Variants in ANKFY1 observed in about 807,000 individuals in gnomAD.
ANKFY1 encodes ankyrin repeat and FYVE domain containing 1, also known as ankyrin repeat and FYVE domain-containing protein 1.
A neutral mutation model predicts 128.3 loss-of-function variants in ANKFY1; 47 were observed. The observed-to-expected ratio is 0.37, with a 90% CI of 0.29 to 0.47. The LOEUF is 0.47. ANKFY1 is among the 20% of genes least tolerant of loss of function. The pLI is 1.00. For synonymous variants in ANKFY1, 553 were observed against 601.6 expected, an observed-to-expected ratio of 0.92 and a Z score of 1.18; for missense variants, 1,222 against 1,510.6, an observed-to-expected ratio of 0.81 and a Z score of 3.17.
chr17:4,225,341 A>G (rs1567960008), intron 3 of ANKFY1, among the ~76,000 whole-genome samples: 1 of 152,194 alleles, frequency 6.6e-6, no homozygotes, highest in South Asian at 2.1e-4. Flanking sequence ...TGGGGGACAG[A>G]GCGAGATTCT....
Position 4,183,504 on chromosome 17 carries a change from T to G in ANKFY1, c.1846A>C (p.Asn616His). The change falls in exon 14 of 25, where the codon AAT (asparagine) becomes CAT (histidine). Residue 616 changes from asparagine to histidine, a missense_variant. Coordinates refer to ENST00000341657, the MANE Select transcript of ANKFY1 (RefSeq NM_001330063.2). ...AQLLGSGAAINDTMSDGQTLL... is the reference protein window; with the variant it reads ...AQLLGSGAAIHDTMSDGQTLL... Reference sequence around the variant, plus strand: ...GTCTGCCCATCCGACATGGTGTCATTGATGGCGGCTCCAGAGCCCAGCAGC... The same window carrying G: ...GTCTGCCCATCCGACATGGTGTCATGGATGGCGGCTCCAGAGCCCAGCAGC... 1 of 1,613,088 alleles carries G rather than the reference T, an allele frequency of 6.2e-7. No homozygotes were observed. The highest frequency in any genetic ancestry group is 8.5e-7 in the Non-Finnish European group (1 of 1,180,016).
rs78962203 is a variant in ANKFY1, at chr17:4,174,479, G to A, written c.2776-423C>T. Among the ~76,000 whole-genome samples the A allele has an allele frequency of 5.8e-3, 876 of 152,176 alleles. 3 individuals are homozygous for A. Among genetic ancestry groups the A allele is most frequent in the African/African-American group, 0.02 (838 of 41,524 alleles). On this transcript the variant is annotated intron_variant, in intron 19 of 24. Coordinates refer to ENST00000341657, the MANE Select transcript of ANKFY1 (RefSeq NM_001330063.2). ...ATGATAAATATTTATCGATTAACAT[G>A]GAAAGATGTTGATGACAAGTAAGTT...
At chr17:4,172,785 C>A in intron 21 of ANKFY1, 105 bp from the exon 22 acceptor site, 2 of 1,437,770 alleles carry the variant, frequency 1.4e-6, no homozygotes, top group Non-Finnish European at 9.4e-7. Context: ...ATCTAAAAGA[C>A]ACAAAACAAG....
chr17:4,229,235 C>A (rs2060475195), intron 3 of ANKFY1, among the ~76,000 whole-genome samples: 1 of 151,948 alleles, frequency 6.6e-6, no homozygotes, highest in Admixed American at 6.6e-5. Context: ...ACCGGCATGG[C>A]CAACGTGGCA....
At chr17:4,246,166 G>A (rs1288104603) in intron 1 of ANKFY1, among the ~76,000 whole-genome samples, 3 of 152,218 alleles carry the variant, frequency 2.0e-5, no homozygotes, top group Non-Finnish European at 4.4e-5. Flanking sequence ...CAAATGGAGT[G>A]TGGCAGGAGA....
At chr17:4,207,537 G>A (rs932795048) in intron 6 of ANKFY1, among the ~76,000 whole-genome samples, 1 of 152,170 alleles carries the variant, frequency 6.6e-6, no homozygotes, top group African/African-American at 2.4e-5. Context: ...TCCTGATTTT[G>A]GGCCAGTGAT....
At position 4,203,732 on chromosome 17, in the gene ANKFY1, T is replaced by C. The variant is rs374579150; in HGVS notation, c.898+2589A>G. Among the ~76,000 whole-genome samples, 10 of 149,950 alleles carry C rather than the reference T, an allele frequency of 6.7e-5. No individual in the cohort carries two copies. The East Asian group carries it at 2.0e-3, about 29-fold the overall frequency. On this transcript the variant is annotated intron_variant, in intron 7 of 24. Coordinates refer to ENST00000341657, the MANE Select transcript of ANKFY1 (RefSeq NM_001330063.2). ...CAGGAGGCTGAGGCAGGAGAATCGC[T>C]TGAACCTGGGAGGCAGAGGTTGCAG...
At position 4,181,112 on chromosome 17, in the gene ANKFY1, A is replaced by G. The variant is rs2059507427; in HGVS notation, c.2240+142T>C. 1.5e-6 allele frequency: 1 copy of G among 668,772 alleles called. No individual in the cohort carries two copies. Among genetic ancestry groups the G allele is most frequent in the African/African-American group, 1.8e-5 (1 of 55,488 alleles). 41.4% of individuals were successfully genotyped at this position (668,772 alleles called of 1,614,324 possible). A position where few individuals can be genotyped will look rare whatever the true frequency, so the allele number is the denominator to read the frequency against. ...CTCCTGGCTGACTTGACATGACAGA[A>G]CAGTGACTCTCTGATAACCTTAACT... On this transcript the variant is annotated intron_variant, in intron 16 of 24. Transcript: ENST00000341657. This position sits in a 1 kb window ranked among gnomAD's most constrained non-coding sequence, Gnocchi z 4.9.
chr17:4,254,874 T>C (rs192052076), intron 1 of ANKFY1, among the ~76,000 whole-genome samples: 1 of 152,144 alleles, frequency 6.6e-6, no homozygotes, highest in Non-Finnish European at 1.5e-5. Context: ...ATTCTAACTA[T>C]ATTGAAAAAG....
At chr17:4,252,973 T>C (rs1173530872) in intron 1 of ANKFY1, among the ~76,000 whole-genome samples, 20 of 152,106 alleles carry the variant, frequency 1.3e-4, no homozygotes, top group Admixed American at 1.0e-3. Context: ...TATGAAAGTG[T>C]AGTTTCATAG....
intron 3 of ANKFY1, among the ~76,000 whole-genome samples, chr17:4,218,520 G>A (rs1199274281): frequency 1.3e-5 from 2 of 152,202 alleles, no homozygotes; most frequent in Admixed American, 6.5e-5. Flanking sequence ...GCCAAGGTGG[G>A]CGGATGGCTT....
At chr17:4,246,812 A>C (rs576946006) in intron 1 of ANKFY1, among the ~76,000 whole-genome samples, 7 of 152,282 alleles carry the variant, frequency 4.6e-5, no homozygotes, top group Admixed American at 3.9e-4. Flanking sequence ...CTCTTTTAAG[A>C]GTTAAAAGGG....
rs1265485374 is a variant in ANKFY1 at position 4,170,761 on chromosome 17, G to A, written c.3240C>T (p.Ile1080=). The A allele has an allele frequency of 3.7e-6, 6 of 1,614,118 alleles. No homozygotes were observed. The highest frequency in any genetic ancestry group is 5.1e-6 in the Non-Finnish European group (6 of 1,179,964). ...LGVNNNQGVN[I]FNYQVATKQL... is the part of the protein sequence containing the mutation. ...GCTTGGTGGCGACCTGGTAGTTGAA[G>A]ATGTTGACTCCCTGGTTGTTATTCA... Residue 1080 remains isoleucine, a synonymous_variant, in exon 23 of 25, where the codon ATC becomes ATT. Coordinates refer to ENST00000341657, the MANE Select transcript of ANKFY1 (RefSeq NM_001330063.2).
At position 4,179,154 on chromosome 17, in the gene ANKFY1, G is replaced by A. The variant is rs1323078076; in HGVS notation, c.2398-97C>T. ...CTTTTAAATCAAATTTCAGTTATGA[G>A]AATCGATCAATACTACCACCCTGTG... is the stretch of plus-strand genomic sequence containing the variant. On this transcript the variant is annotated intron_variant, in intron 17 of 24. Coordinates refer to ENST00000341657, the MANE Select transcript of ANKFY1 (RefSeq NM_001330063.2). The A allele has an allele frequency of 9.0e-6, 12 of 1,338,388 alleles. No homozygotes were observed. The East Asian group carries it at 1.2e-4, about 13-fold the overall frequency. The allele number at this position is 1,338,388 out of a possible 1,614,324, so 82.9% of individuals were successfully genotyped here.
Position 4,170,801 on chromosome 17 carries a change from C to A in ANKFY1, c.3200G>T (p.Gly1067Val). 1 of 1,614,002 alleles carries A rather than the reference C, an allele frequency of 6.2e-7. No individual in the cohort carries two copies. Among genetic ancestry groups the A allele is most frequent in the Non-Finnish European group, 8.5e-7 (1 of 1,179,996 alleles). The change falls in exon 23 of 25, where the codon GGG becomes GTG. Residue 1067 changes from glycine to valine, a missense_variant. By Grantham distance (109) the Gly-to-Val change is moderately radical. Transcript: ENST00000341657. ...GTTGTTATTCACCCCGAGGCGAGCCCCCGACCGGACGATGGCGCGGCACAA... is the reference window on the plus strand; with the variant it reads ...GTTGTTATTCACCCCGAGGCGAGCCACCGACCGGACGATGGCGCGGCACAA... The part of the protein sequence containing the change: ...ANLCRAIVRS[G>V]ARLGVNNNQG...
At chr17:4,170,578 T>G (rs2059297850) in intron 23 of ANKFY1, 137 bp downstream of exon 23, 1 of 1,228,510 alleles carries the variant, frequency 8.1e-7, no homozygotes, top group East Asian at 2.4e-5. Flanking sequence ...TTCAGAGAAA[T>G]GGTCCCAGCT....
Position 4,234,658 on chromosome 17 carries a change from A to G in ANKFY1, c.322+1114T>C, listed in dbSNP as rs137973297. Among the ~76,000 whole-genome samples the G allele has an allele frequency of 1.1e-3, 163 of 152,176 alleles. No homozygotes were observed. In the South Asian group the frequency reaches 0.011, roughly 10 times the overall value. On this transcript the variant is annotated intron_variant, in intron 3 of 24. Transcript: ENST00000341657. ...TTCCCAACAAGCTGGGACTACAAGC[A>G]CATGCCATCCTGTCCAGCTAATTTT...
intron 11 of ANKFY1, chr17:4,187,231 G>A (rs1328127263): frequency 7.5e-6 from 3 of 400,072 alleles, no homozygotes; most frequent in Admixed American, 4.4e-5. Flanking sequence ...TCTTGCCCTC[G>A]CTTCTGGGAG....
intron 4 of ANKFY1, among the ~76,000 whole-genome samples, chr17:4,212,987 G>A (rs2060160796): frequency 6.6e-6 from 1 of 151,944 alleles, no homozygotes; most frequent in Non-Finnish European, 1.5e-5. Flanking sequence ...ATGTTAGCCA[G>A]GATGGTCTCG....
Sources: allele counts gnomAD v4.1 joint callset (sites outside exome capture counted in the v4.1 genomes callset), GRCh38; gene constraint gnomAD v4.1.1; non-coding constraint Gnocchi (gnomAD v3.1); transcripts MANE v1.5; gene names NCBI Gene and HGNC (gene_info 2026-07-23, HGNC 2026-07-21).